SPIDR: variants seen among roughly 807,000 people sequenced by gnomAD.
The protein encoded by SPIDR is scaffold protein involved in DNA repair.
SPIDR carries 93 observed loss-of-function variants against 104.6 expected under a neutral mutation model. The ratio of observed to expected loss-of-function variants is 0.89; its 90% CI spans 0.75 to 1.06. The LOEUF (loss-of-function observed/expected upper bound fraction) is 1.06. Among genes scored for constraint, SPIDR ranks in the 50% least tolerant of loss-of-function variants. The pLI, the probability that SPIDR is intolerant of heterozygous loss-of-function variation, is 0.00. For missense variants in SPIDR, 1,154 were observed against 1,111.2 expected (o/e 1.04, Z -0.55); for synonymous variants, 431 against 416.9 (o/e 1.03, Z -0.41).
At chr8:47,360,747 A>C (rs1308952040) in intron 5 of SPIDR, 3 of 758,534 alleles carry the variant, frequency 4.0e-6, no homozygotes, top group South Asian at 5.9e-5. Flanking sequence ...ATGAAAAACA[A>C]AACAAAACAA....
At chr8:47,352,692 A>C (rs2053765319) in intron 5 of SPIDR, among the ~76,000 whole-genome samples, 1 of 152,202 alleles carries the variant, frequency 6.6e-6, no homozygotes, top group Non-Finnish European at 1.5e-5. Flanking sequence ...TTATATAACA[A>C]GGATGGCATT....
At chr8:47,468,829 T>C (rs1316474698) in intron 8 of SPIDR, among the ~76,000 whole-genome samples, 2 of 151,882 alleles carry the variant, frequency 1.3e-5, no homozygotes, top group African/African-American at 4.8e-5. Flanking sequence ...AAAGGAAAAA[T>C]TGACATATGG....
At chr8:47,600,713 T>C (rs1044828396) in intron 10 of SPIDR, among the ~76,000 whole-genome samples, 4 of 152,138 alleles carry the variant, frequency 2.6e-5, no homozygotes, top group African/African-American at 7.2e-5. Flanking sequence ...AGGTTTTTGT[T>C]TTGTGTTTTT....
intron 8 of SPIDR, among the ~76,000 whole-genome samples, chr8:47,525,980 A>G (rs1435827265): frequency 6.6e-6 from 1 of 152,300 alleles, no homozygotes; most frequent in East Asian, 1.9e-4. Flanking sequence ...CCACCCCTTA[A>G]GATACCTGGC....
intron 8 of SPIDR, among the ~76,000 whole-genome samples, chr8:47,443,161 T>G (rs561734681): frequency 6.6e-6 from 1 of 152,176 alleles, no homozygotes. Flanking sequence ...ATCATTAGAC[T>G]TTGGAATGTT....
At chr8:47,680,017 G>T (rs966612674) in intron 11 of SPIDR, among the ~76,000 whole-genome samples, 2 of 152,106 alleles carry the variant, frequency 1.3e-5, no homozygotes, top group Admixed American at 1.3e-4. Flanking sequence ...TAGCAGTAAG[G>T]GTGGCGACCC....
At chr8:47,464,086 C>T (rs1280209310) in intron 8 of SPIDR, among the ~76,000 whole-genome samples, 4 of 149,190 alleles carry the variant, frequency 2.7e-5, no homozygotes, top group Non-Finnish European at 5.9e-5. Flanking sequence ...ATGGCATGAC[C>T]TTATATGTAG....
intron 5 of SPIDR, among the ~76,000 whole-genome samples, chr8:47,363,964 ATACCCC>A (rs1330897508): frequency 6.6e-6 from 1 of 152,032 alleles, no homozygotes; most frequent in African/African-American, 2.4e-5. Context: ...AACGTGGTAG[ATACCCC>A]TGTAGAGGGT....
At chr8:47,527,011 G>A (rs576165069) in intron 8 of SPIDR, among the ~76,000 whole-genome samples, 66 of 152,296 alleles carry the variant, frequency 4.3e-4, no homozygotes, top group South Asian at 2.3e-3. Flanking sequence ...GAGGCTCGGT[G>A]TGGACAAGCT....
Position 47,440,320 on chromosome 8 carries a change from T to C in SPIDR, c.878-3T>C. On this transcript the variant is annotated splice_region_variant and splice_polypyrimidine_tract_variant and intron_variant, in intron 7 of 19. Transcript: ENST00000297423. ...TTGCTTTGTTCTTTTCTTCAACTTC[T>C]AGGTAGAAAATCTGGTGTATTAACT... is the stretch of plus-strand genomic sequence containing the variant. 6.2e-7 allele frequency: 1 copy of C among 1,613,080 alleles called. No homozygotes were observed. Among genetic ancestry groups the C allele is most frequent in the Non-Finnish European group, 8.5e-7 (1 of 1,179,040 alleles).
chr8:47,378,359 C>A (rs782784197), intron 5 of SPIDR, among the ~76,000 whole-genome samples: 1 of 152,190 alleles, frequency 6.6e-6, no homozygotes, highest in Non-Finnish European at 1.5e-5. Flanking sequence ...TTCCTTAATA[C>A]TAAAGTCCTT....
intron 1 of SPIDR, among the ~76,000 whole-genome samples, chr8:47,272,933 G>A (rs1409136768): frequency 6.6e-6 from 1 of 152,118 alleles, no homozygotes; most frequent in African/African-American, 2.4e-5. Flanking sequence ...CTTCAAATGA[G>A]TTACAGAAAC....
chr8:47,662,646 T>G (rs1588959878), intron 10 of SPIDR, among the ~76,000 whole-genome samples: 1 of 152,352 alleles, frequency 6.6e-6, no homozygotes, highest in East Asian at 1.9e-4. Flanking sequence ...AATTTTTAAT[T>G]TTTCATAAAT....
intron 8 of SPIDR, among the ~76,000 whole-genome samples, chr8:47,582,753 T>G (rs574854814): frequency 6.6e-6 from 1 of 151,746 alleles, no homozygotes; most frequent in East Asian, 1.9e-4. Context: ...CCTAACACTT[T>G]CGGAGGCAGA....
intron 10 of SPIDR, among the ~76,000 whole-genome samples, chr8:47,603,610 C>A (rs1374479197): frequency 2.0e-5 from 3 of 150,114 alleles, no homozygotes; most frequent in Non-Finnish European, 4.4e-5. Context: ...GTTGCCCAGG[C>A]TGATCTCAAA....
chr8:47,602,831 A>G (rs2062457024), intron 10 of SPIDR, among the ~76,000 whole-genome samples: 1 of 152,234 alleles, frequency 6.6e-6, no homozygotes, highest in Admixed American at 6.5e-5. Context: ...TGCACTGTGA[A>G]ACATTATCAG....
chr8:47,646,256 G>A (rs2070332632), intron 10 of SPIDR, among the ~76,000 whole-genome samples: 1 of 152,100 alleles, frequency 6.6e-6, no homozygotes, highest in Non-Finnish European at 1.5e-5. Context: ...TAAAATTTTA[G>A]TAACTTTTGT....
At chr8:47,445,010 C>T (rs1554700419) in intron 8 of SPIDR, among the ~76,000 whole-genome samples, 2 of 152,132 alleles carry the variant, frequency 1.3e-5, no homozygotes, top group African/African-American at 4.8e-5. Flanking sequence ...GTATGTGTTT[C>T]GTTTTTGCTG....
chr8:47,288,075 C>A lies in SPIDR; in HGVS notation c.257-2958C>A, dbSNP rs373750174. Among the ~76,000 whole-genome samples, 9 of 152,172 alleles carry A rather than the reference C, an allele frequency of 5.9e-5. No homozygotes were observed. The East Asian group carries it at 1.7e-3, about 29-fold the overall frequency. ...ATGTTCCTCTGCGGTGGCTCCAGCT[C>A]GTCCCTCTGTTCGGGGTCCCTGACT... is the stretch of plus-strand genomic sequence containing the variant. On this transcript the variant is annotated intron_variant, in intron 3 of 19. Transcript: ENST00000297423.
Sources: allele counts gnomAD v4.1 joint callset (sites outside exome capture counted in the v4.1 genomes callset), GRCh38; gene constraint gnomAD v4.1.1; transcripts MANE v1.5; gene names NCBI Gene and HGNC (gene_info 2026-07-23, HGNC 2026-07-21).